The following SIPA1L3 variants were observed in gnomAD, a reference collection of about 807,000 sequenced individuals.
SIPA1L3 encodes the protein signal induced proliferation associated 1 like 3, also known as signal-induced proliferation-associated 1-like protein 3.
In SIPA1L3, 59 loss-of-function variants were observed where a neutral mutation model predicts 150.1. That is an observed-to-expected ratio of 0.39 (90% CI 0.32 to 0.49). The LOEUF (loss-of-function observed/expected upper bound fraction) is 0.49, where lower values mean the gene tolerates loss of function less well. SIPA1L3 is among the 20% of genes least tolerant of loss of function. The pLI, the probability that SIPA1L3 is intolerant of heterozygous loss-of-function variation, is 0.86. For missense variants in SIPA1L3, 2,211 were observed against 2,489.5 expected (o/e 0.89, Z 2.38); for synonymous variants, 1,070 against 1,077.6 (o/e 0.99, Z 0.14).
intron 9 of SIPA1L3, among the ~76,000 whole-genome samples, chr19:38,122,903 C>T (rs1370293876): frequency 6.6e-6 from 1 of 152,206 alleles, no homozygotes; most frequent in East Asian, 1.9e-4. Context: ...CACACCCCCT[C>T]CCCTGGCTTG....
chr19:37,934,760 C>T (rs1255193067), intron 1 of SIPA1L3, among the ~76,000 whole-genome samples: 1 of 151,262 alleles, frequency 6.6e-6, no homozygotes, highest in African/African-American at 2.4e-5. Context: ...ACATTTTTCT[C>T]CATGGTTATA....
chr19:37,992,899 G>A (rs1210657042), intron 1 of SIPA1L3, among the ~76,000 whole-genome samples: 1 of 152,152 alleles, frequency 6.6e-6, no homozygotes, highest in Non-Finnish European at 1.5e-5. Context: ...CTACGTGCTG[G>A]CTCTGTGGTC....
chr19:37,978,745 C>T (rs752718303), intron 1 of SIPA1L3, among the ~76,000 whole-genome samples: 5 of 151,930 alleles, frequency 3.3e-5, no homozygotes, highest in East Asian at 1.9e-4. Context: ...GAGGCTGAGG[C>T]GGGAGGATCA....
At chr19:38,057,135 G>T (rs1969334984) in intron 2 of SIPA1L3, among the ~76,000 whole-genome samples, 2 of 152,118 alleles carry the variant, frequency 1.3e-5, no homozygotes, top group African/African-American at 4.8e-5. Flanking sequence ...GTCAGGCATG[G>T]TAGTGGGCGC....
At chr19:38,149,538 A>G (rs1971774087) in intron 12 of SIPA1L3, among the ~76,000 whole-genome samples, 1 of 152,220 alleles carries the variant, frequency 6.6e-6, no homozygotes, top group African/African-American at 2.4e-5. Flanking sequence ...TTAGCTGCAT[A>G]GTATACAAAA....
intron 9 of SIPA1L3, among the ~76,000 whole-genome samples, chr19:38,128,227 T>G (rs1429074443): frequency 6.6e-6 from 1 of 151,852 alleles, no homozygotes; most frequent in African/African-American, 2.4e-5. Flanking sequence ...GCCTCTTTTA[T>G]ATGGGCACTG....
chr19:38,075,127 T>C (rs1969810266), intron 2 of SIPA1L3, among the ~76,000 whole-genome samples: 1 of 152,228 alleles, frequency 6.6e-6, no homozygotes, highest in Non-Finnish European at 1.5e-5. Context: ...ATACATGAAT[T>C]TTTTTCAATA....
chr19:38,139,625 C>T (rs552535858), intron 10 of SIPA1L3, among the ~76,000 whole-genome samples: 170 of 152,328 alleles, frequency 1.1e-3, no homozygotes, highest in Non-Finnish European at 1.8e-3. Context: ...CCAGCCATGG[C>T]GCTACCGAGG....
In SIPA1L3 at chr19:38,152,903, C is replaced by T. The variant is rs2145961248; in HGVS notation, c.3597C>T (p.Ser1199=). ...CCCACTTCAGCCACGATGGGACGTC[C>T]AGCGGCGACTCCTCTTCCGGCGGCC... ...LDPHFSHDGT[S]SGDSSSGGLT... Residue 1199 remains serine (S), a synonymous_variant, in exon 13 of 22, where the codon TCC becomes TCT. Coordinates refer to ENST00000222345, the MANE Select transcript of SIPA1L3 (RefSeq NM_015073.3). 6.2e-7 allele frequency: 1 copy of T among 1,613,828 alleles called. No homozygotes were observed. Among genetic ancestry groups the T allele is most frequent in the Non-Finnish European group, 8.5e-7 (1 of 1,179,892 alleles).
chr19:37,950,902 G>T (rs965455418), intron 1 of SIPA1L3, among the ~76,000 whole-genome samples: 1 of 152,238 alleles, frequency 6.6e-6, no homozygotes, highest in Non-Finnish European at 1.5e-5. Context: ...GGCATCACCT[G>T]GGGAATCTTG....
At chr19:38,112,345 C>T (rs971298735) in intron 8 of SIPA1L3, among the ~76,000 whole-genome samples, 1 of 152,118 alleles carries the variant, frequency 6.6e-6, no homozygotes, top group African/African-American at 2.4e-5. Flanking sequence ...AAGGAGGCAG[C>T]CTTCTTATGA....
intron 1 of SIPA1L3, among the ~76,000 whole-genome samples, chr19:37,993,964 A>G (rs550800287): frequency 6.6e-6 from 1 of 152,216 alleles, no homozygotes; most frequent in East Asian, 1.9e-4. Context: ...GCACAATCAT[A>G]GCTCACTGCA....
intron 1 of SIPA1L3, among the ~76,000 whole-genome samples, chr19:37,945,133 C>G (rs190888904): frequency 6.6e-6 from 1 of 152,154 alleles, no homozygotes; most frequent in East Asian, 1.9e-4. Flanking sequence ...TTATTGCTGG[C>G]CTGGAAAAAG....
chr19:38,014,544 CTTTTTTTTTTTT>C (rs72101453), intron 1 of SIPA1L3, among the ~76,000 whole-genome samples: 2 of 116,814 alleles, frequency 1.7e-5, no homozygotes, highest in East Asian at 2.6e-4. Context: ...ACACCACATT[CTTTTTTTTTTTT>C]TTTTTTTTTT....
intron 15 of SIPA1L3, among the ~76,000 whole-genome samples, chr19:38,175,262 C>T (rs1253135531): frequency 6.6e-6 from 1 of 152,190 alleles, no homozygotes; most frequent in African/African-American, 2.4e-5. Flanking sequence ...GTGGTCAGCA[C>T]TGTCACTGCC....
chr19:38,203,747 T>A (rs1973142226), intron 20 of SIPA1L3: 1 of 191,426 alleles, frequency 5.2e-6, no homozygotes, highest in Non-Finnish European at 1.1e-5. Flanking sequence ...TTCTCGTGCT[T>A]CCTGTGCCTG....
At chr19:38,050,313 C>G (rs1377264066) in intron 2 of SIPA1L3, among the ~76,000 whole-genome samples, 1 of 151,926 alleles carries the variant, frequency 6.6e-6, no homozygotes, top group Admixed American at 6.6e-5. Context: ...AAAATTAGCC[C>G]GACGTGGTGG....
At chr19:38,187,321 A>G (rs1972705306) in intron 16 of SIPA1L3, among the ~76,000 whole-genome samples, 1 of 151,398 alleles carries the variant, frequency 6.6e-6, no homozygotes, top group East Asian at 2.0e-4. Context: ...GTGTGGTGGC[A>G]GGCACCTGTA....
At chr19:38,014,758 C>T (rs1249882651) in intron 1 of SIPA1L3, among the ~76,000 whole-genome samples, 2 of 151,602 alleles carry the variant, frequency 1.3e-5, no homozygotes, top group African/African-American at 4.9e-5. Context: ...CAAGCTCTGC[C>T]TCCCAGGTTC....
Sources: gnomAD v4.1 joint callset for allele counts (sites outside exome capture counted in the v4.1 genomes callset) on GRCh38, gnomAD v4.1.1 for gene constraint, MANE v1.5 for transcripts, NCBI Gene and HGNC (gene_info 2026-07-23, HGNC 2026-07-21) for gene names.